Variants in DROSHA observed in about 807,000 individuals in gnomAD.
DROSHA encodes ribonuclease 3.
Under a neutral mutation model 181.9 loss-of-function variants are expected in DROSHA, and 56 were observed. That is an observed-to-expected ratio of 0.31 (90% CI 0.25 to 0.38). DROSHA has a LOEUF of 0.38. Ranked by LOEUF, DROSHA falls within the 10% of genes least tolerant of loss-of-function variation. The pLI is 1.00. For missense variants in DROSHA, 1,218 were observed against 1,743.5 expected (o/e 0.70, Z 5.37); for synonymous variants, 524 against 591.2 (o/e 0.89, Z 1.65).
At chr5:31,452,939 A>G (rs887887453) in intron 20 of DROSHA, among the ~76,000 whole-genome samples, 5 of 152,236 alleles carry the variant, frequency 3.3e-5, no homozygotes, top group African/African-American at 1.2e-4. Context: ...TGATAAACAC[A>G]ACAATATGGA....
At chr5:31,454,894 C>T (rs1164693848) in intron 20 of DROSHA, among the ~76,000 whole-genome samples, 21 of 137,128 alleles carry the variant, frequency 1.5e-4, no homozygotes, top group Non-Finnish European at 2.3e-4. Context: ...GAGCCGAGAT[C>T]GTGCCACTGC....
rs1748212124 is a variant in DROSHA, at chr5:31,459,940, T to C, written c.2574+4296A>G. Among the ~76,000 whole-genome samples, 3 of 152,270 alleles carry C rather than the reference T, an allele frequency of 2.0e-5. No homozygotes were observed. The South Asian group carries it at 6.2e-4, about 32-fold the overall frequency. On this transcript the variant is annotated intron_variant, in intron 20 of 35. Coordinates refer to ENST00000344624, the MANE Select transcript of DROSHA (RefSeq NM_001382508.1). ...ACAATGTCTCCGCATTTGGCATGAG[T>C]CTCCTACTGGTGATGCGACTGTGAT... is the stretch of plus-strand genomic sequence containing the variant.
At chr5:31,522,391 G>A (rs925093431) in intron 5 of DROSHA, among the ~76,000 whole-genome samples, 2 of 151,970 alleles carry the variant, frequency 1.3e-5, no homozygotes, top group Non-Finnish European at 2.9e-5. Context: ...TGGCACGGCT[G>A]TTGAAAAAAA....
Position 31,408,897 on chromosome 5 carries a change from G to A in DROSHA, c.3854+159C>T, listed in dbSNP as rs534600681. 2.6e-3 allele frequency: 1,653 copies of A among 624,568 alleles called. 2 individuals carry two copies. The highest frequency in any genetic ancestry group is 4.0e-3 in the Non-Finnish European group (1,449 of 361,640). The allele number at this position is 624,568 out of a possible 1,614,324, so 38.7% of individuals were successfully genotyped here. On this transcript the variant is annotated intron_variant, in intron 33 of 35. Transcript: ENST00000344624. The stretch of plus-strand genomic sequence containing the variant: ...CAGCTAAGAGTGAGAGCCCCAGTGA[G>A]TTTCCCTGTGGGGCCCAAAGTCACA...
chr5:31,462,359 T>C (rs1215559100), intron 20 of DROSHA, among the ~76,000 whole-genome samples: 1 of 152,172 alleles, frequency 6.6e-6, no homozygotes, highest in Non-Finnish European at 1.5e-5. Context: ...GTGAGAGTTC[T>C]ACAGAGGGAG....
In DROSHA at chr5:31,411,318, A is replaced by G. The variant is rs1741280982; in HGVS notation, c.3526-431T>C. Among the ~76,000 whole-genome samples the G allele has an allele frequency of 6.6e-6, 1 of 152,224 alleles. No individual in the cohort carries two copies. Among genetic ancestry groups the G allele is most frequent in the Non-Finnish European group, 1.5e-5 (1 of 68,048 alleles). On this transcript the variant is annotated intron_variant, in intron 30 of 35. Transcript: ENST00000344624. The surrounding 1 kb of genome is among the most constrained non-coding windows in gnomAD (Gnocchi z 4.2). ...CCCATTTTCAGTGCACAGTTAGATGAGTTTTGAAAAACATGTACATTTTTA... is the reference window on the plus strand; with the variant it reads ...CCCATTTTCAGTGCACAGTTAGATGGGTTTTGAAAAACATGTACATTTTTA...
intron 21 of DROSHA, among the ~76,000 whole-genome samples, chr5:31,450,704 G>T (rs1746881395): frequency 6.6e-6 from 1 of 151,986 alleles, no homozygotes; most frequent in Non-Finnish European, 1.5e-5. Context: ...GGGGGTGAGG[G>T]ATGAAAAACT....
chr5:31,499,098 C>T lies in DROSHA; in HGVS notation c.1669-3726G>A, dbSNP rs578060699. Among the ~76,000 whole-genome samples, 5 of 152,306 alleles carry T rather than the reference C, an allele frequency of 3.3e-5. No homozygotes were observed. In the East Asian group the frequency reaches 5.8e-4, roughly 18 times the overall value. ...GATCTCCATCCTCTGACCTCAGGCA[C>T]GGTCCACATCAGGTACTGAGCAAGG... is the stretch of plus-strand genomic sequence containing the variant. On this transcript the variant is annotated intron_variant, in intron 11 of 35. Transcript: ENST00000344624.
intron 35 of DROSHA, among the ~76,000 whole-genome samples, chr5:31,402,323 T>C (rs1740107553): frequency 6.6e-6 from 1 of 152,170 alleles, no homozygotes; most frequent in Admixed American, 6.5e-5. Flanking sequence ...GATCTCGCTC[T>C]CCATGGTTTC....
chr5:31,456,904 G>A (rs1390119112), intron 20 of DROSHA, among the ~76,000 whole-genome samples: 1 of 151,980 alleles, frequency 6.6e-6, no homozygotes, highest in Non-Finnish European at 1.5e-5. Context: ...TAGGACAACA[G>A]GTGTGCACCA....
rs143066188 is a variant in DROSHA at position 31,476,054 on chromosome 5, G to A, written c.2072-3822C>T. 3.6e-3 allele frequency among the ~76,000 whole-genome samples: 542 copies of A among 152,296 alleles called. 1 individual carries two copies. Among genetic ancestry groups the A allele is most frequent in the African/African-American group, 0.012 (512 of 41,554 alleles). ...ATAGATACTGTCCAATTTAGGAAAG[G>A]CACAACTAGATTAAGAAATAAGGCC... On this transcript the variant is annotated intron_variant, in intron 16 of 35. Transcript: ENST00000344624.
intron 29 of DROSHA, 139 bp from the exon 30 acceptor site, chr5:31,421,516 C>T: frequency 1.5e-6 from 1 of 661,000 alleles, no homozygotes; most frequent in Non-Finnish European, 2.6e-6. Context: ...AAATACAATT[C>T]CCTAAGGCCC....
chr5:31,489,939 C>T (rs538541228), intron 13 of DROSHA, among the ~76,000 whole-genome samples: 14 of 151,862 alleles, frequency 9.2e-5, no homozygotes, highest in South Asian at 6.2e-4. Context: ...AGTGCGGTGA[C>T]GCGATCTTGA....
rs1741279533 is a variant in DROSHA at position 31,411,300 on chromosome 5, T to A, written c.3526-413A>T. On this transcript the variant is annotated intron_variant, in intron 30 of 35. Transcript: ENST00000344624. This position sits in a 1 kb window ranked among gnomAD's most constrained non-coding sequence, Gnocchi z 4.2. ...TACATTCAATAAAATGCACCCATTT[T>A]CAGTGCACAGTTAGATGAGTTTTGA... Among the ~76,000 whole-genome samples the A allele has an allele frequency of 6.6e-6, 1 of 152,236 alleles. No individual in the cohort carries two copies. The highest frequency in any genetic ancestry group is 1.5e-5 in the Non-Finnish European group (1 of 68,040).
At chr5:31,412,968 T>C (rs1741495239) in intron 30 of DROSHA, among the ~76,000 whole-genome samples, 1 of 152,180 alleles carries the variant, frequency 6.6e-6, no homozygotes, top group Non-Finnish European at 1.5e-5. Context: ...TCTCCGAATA[T>C]ATGCTTTCGG....
chr5:31,479,036 A>G (rs1009965511), intron 16 of DROSHA, among the ~76,000 whole-genome samples: 3 of 152,230 alleles, frequency 2.0e-5, no homozygotes, highest in Non-Finnish European at 4.4e-5. Context: ...TAGGAATTAT[A>G]AACAAATTAA....
chr5:31,528,986 T>C, intron 4 of DROSHA, 54 bp downstream of exon 4: 5 of 1,607,114 alleles, frequency 3.1e-6, no homozygotes, highest in Non-Finnish European at 4.2e-6. Flanking sequence ...AGCACCAATG[T>C]CTGCTCCTCT....
chr5:31,456,463 T>TAC (rs35756228), intron 20 of DROSHA, among the ~76,000 whole-genome samples: 36,250 of 146,112 alleles, frequency 0.25, 4,493 homozygotes, highest in East Asian at 0.45. Flanking sequence ...GACAACAAGA[T>TAC]ACACACACAC....
Position 31,401,073 on chromosome 5 carries a change from A to G in DROSHA, c.*359T>C, listed in dbSNP as rs1739949528. On this transcript the variant is annotated 3_prime_UTR_variant, in exon 36 of 36. Transcript: ENST00000344624. The stretch of plus-strand genomic sequence containing the variant: ...CACAGTCAAAATGTCTAGTAAAGTC[A>G]ATTTTTTACTTGTCAATTGAAAGTC... 9 of 269,634 alleles carry G rather than the reference A, an allele frequency of 3.3e-5. No individual in the cohort carries two copies. Among genetic ancestry groups the G allele is most frequent in the South Asian group, 3.2e-4 (9 of 27,950 alleles). 16.7% of individuals were successfully genotyped at this position (269,634 alleles called of 1,614,324 possible).
Sources: gnomAD v4.1 joint callset for allele counts (sites outside exome capture counted in the v4.1 genomes callset) on GRCh38, gnomAD v4.1.1 for gene constraint, Gnocchi (gnomAD v3.1) non-coding constraint, MANE v1.5 for transcripts, NCBI Gene and HGNC (gene_info 2026-07-23, HGNC 2026-07-21) for gene names.